The following FOXP2 variants were observed in gnomAD, a reference collection of about 807,000 sequenced individuals.
FOXP2 encodes forkhead box protein P2.
FOXP2 carries 12 observed loss-of-function variants against 115.8 expected under a neutral mutation model. The ratio of observed to expected loss-of-function variants is 0.10; its 90% confidence interval spans 0.07 to 0.17. The LOEUF is 0.17. Among genes scored for constraint, FOXP2 ranks in the 10% least tolerant of loss-of-function variants. FOXP2 has a pLI of 1.00. For missense variants in FOXP2, 629 were observed against 843.5 expected, an observed-to-expected ratio of 0.75 and a Z score of 3.15; for synonymous variants, 328 against 297.7, an observed-to-expected ratio of 1.10 and a Z score of -1.05.
At chr7:114,523,117 G>A (rs1798701210) in intron 2 of FOXP2, among the ~76,000 whole-genome samples, 3 of 151,914 alleles carry the variant, frequency 2.0e-5, no homozygotes, top group Admixed American at 6.6e-5. Flanking sequence ...TCTTCAATGA[G>A]CTTTGTGTTT....
intron 3 of FOXP2, among the ~76,000 whole-genome samples, chr7:114,573,451 G>A (rs1235013194): frequency 6.6e-6 from 1 of 151,662 alleles, no homozygotes; most frequent in Non-Finnish European, 1.5e-5. Context: ...GAGTACTGGT[G>A]GGCTAAAAGG....
At chr7:114,279,665 C>T (rs1796278793) in intron 1 of FOXP2, among the ~76,000 whole-genome samples, 1 of 151,802 alleles carries the variant, frequency 6.6e-6, no homozygotes, top group East Asian at 1.9e-4. Flanking sequence ...AAAATGAGAG[C>T]TTCTTGTCAA....
At chr7:114,279,421 A>G (rs1033394161) in intron 1 of FOXP2, among the ~76,000 whole-genome samples, 4 of 152,180 alleles carry the variant, frequency 2.6e-5, no homozygotes, top group Non-Finnish European at 5.9e-5. Context: ...TCAGATGATT[A>G]GGAAATCCAG....
At chr7:114,265,805 C>T (rs1355901192) in intron 1 of FOXP2, among the ~76,000 whole-genome samples, 2 of 152,072 alleles carry the variant, frequency 1.3e-5, no homozygotes, top group Non-Finnish European at 2.9e-5. Context: ...GGCTTAACAC[C>T]CCAGGGAACC....
intron 3 of FOXP2, among the ~76,000 whole-genome samples, chr7:114,607,060 G>A (rs1433847411): frequency 1.3e-5 from 2 of 152,138 alleles, no homozygotes; most frequent in Non-Finnish European, 2.9e-5. Flanking sequence ...ATGTGAATAT[G>A]TCAGAAAGGA....
intron 2 of FOXP2, among the ~76,000 whole-genome samples, chr7:114,378,297 G>A (rs889449772): frequency 4.6e-5 from 7 of 152,032 alleles, no homozygotes; most frequent in African/African-American, 1.7e-4. Context: ...GCTATACATT[G>A]CTAAATCTTG....
intron 2 of FOXP2, among the ~76,000 whole-genome samples, chr7:114,506,144 A>G (rs1255598656): frequency 3.3e-5 from 5 of 151,722 alleles, no homozygotes; most frequent in Admixed American, 6.6e-5. Context: ...ATATATTGAC[A>G]AGAAAACAGT....
chr7:114,515,579 T>G (rs1798296272), intron 2 of FOXP2, among the ~76,000 whole-genome samples: 1 of 152,216 alleles, frequency 6.6e-6, no homozygotes, highest in African/African-American at 2.4e-5. Flanking sequence ...GTTTTTTTCT[T>G]GTAAATTTGT....
At chr7:114,458,869 A>G (rs1165661889) in intron 2 of FOXP2, among the ~76,000 whole-genome samples, 1 of 152,064 alleles carries the variant, frequency 6.6e-6, no homozygotes, top group African/African-American at 2.4e-5. Flanking sequence ...TGAAACAACA[A>G]CAATTTATTT....
At chr7:114,650,427 TG>T (rs1238575812) in intron 8 of FOXP2, among the ~76,000 whole-genome samples, 1 of 110,628 alleles carries the variant, frequency 9.0e-6, no homozygotes, top group Admixed American at 9.9e-5. Flanking sequence ...GAGTTCATGG[TG>T]AAAAAAAAAA....
chr7:114,572,681 A>G (rs1042692526), intron 3 of FOXP2, among the ~76,000 whole-genome samples: 1 of 151,836 alleles, frequency 6.6e-6, no homozygotes, highest in Non-Finnish European at 1.5e-5. Flanking sequence ...CGTTAAACTG[A>G]AGAGTGAGGT....
chr7:114,589,948 A>T lies in FOXP2; in HGVS notation c.259-38592A>T, dbSNP rs1428780229. Among the ~76,000 whole-genome samples, 4 of 151,970 alleles carry T rather than the reference A, an allele frequency of 2.6e-5. No individual in the cohort carries two copies. The East Asian group carries it at 7.7e-4, about 29-fold the overall frequency. On this transcript the variant is annotated intron_variant, in intron 3 of 16. Transcript: ENST00000350908. ...AGCATTAGTATAGTTTTATTGTTTT[A>T]AAAACAGAGAGAAGGGAGGTGGACT...
chr7:114,375,193 C>T (rs1319391789), intron 2 of FOXP2, among the ~76,000 whole-genome samples: 3 of 152,088 alleles, frequency 2.0e-5, no homozygotes, highest in African/African-American at 4.8e-5. Flanking sequence ...CATTAATAAA[C>T]ATCAAAACAA....
intron 1 of FOXP2, among the ~76,000 whole-genome samples, chr7:114,203,052 A>G (rs1036807420): frequency 6.6e-6 from 1 of 152,136 alleles, no homozygotes; most frequent in African/African-American, 2.4e-5. Flanking sequence ...AACCTTCCAA[A>G]CACTTCTTGC....
At chr7:114,118,283 T>C (rs1791463903) in intron 1 of FOXP2, among the ~76,000 whole-genome samples, 1 of 152,170 alleles carries the variant, frequency 6.6e-6, no homozygotes, top group African/African-American at 2.4e-5. Context: ...TCCTTATGCA[T>C]AATTTCTTAT....
At chr7:114,534,577 T>G (rs540153519) in intron 2 of FOXP2, 40 bp from the exon 3 acceptor site, 11 of 1,553,734 alleles carry the variant, frequency 7.1e-6, no homozygotes, top group African/African-American at 2.7e-5. Context: ...AACTTAACTT[T>G]CAACAAAATA....
chr7:114,223,053 C>T (rs1794662225), intron 1 of FOXP2, among the ~76,000 whole-genome samples: 1 of 152,056 alleles, frequency 6.6e-6, no homozygotes, highest in Non-Finnish European at 1.5e-5. Flanking sequence ...CCAACAATAG[C>T]AGAACATTTT....
chr7:114,382,719 G>GT (rs1398197351), intron 2 of FOXP2, among the ~76,000 whole-genome samples: 1 of 152,088 alleles, frequency 6.6e-6, no homozygotes, highest in Non-Finnish European at 1.5e-5. Context: ...GACTTTTGAA[G>GT]TTTTTTTCTA....
chr7:114,575,926 A>G (rs1801554382), intron 3 of FOXP2, among the ~76,000 whole-genome samples: 1 of 151,896 alleles, frequency 6.6e-6, no homozygotes. Context: ...AAAGCTGTTT[A>G]CAGTATTTTA....
Sources: gnomAD v4.1 joint callset for allele counts (sites outside exome capture counted in the v4.1 genomes callset) on GRCh38, gnomAD v4.1.1 for gene constraint, MANE v1.5 for transcripts, NCBI Gene and HGNC (gene_info 2026-07-23, HGNC 2026-07-21) for gene names.